Variants in PDE4B observed in about 807,000 individuals in gnomAD.
The protein encoded by PDE4B is phosphodiesterase 4B.
In PDE4B, 20 loss-of-function variants were observed where a neutral mutation model predicts 82.2. The ratio of observed to expected loss-of-function variants is 0.24; its 90% CI spans 0.17 to 0.35. The LOEUF is 0.35. Ranked by LOEUF, PDE4B falls within the 10% of genes least tolerant of loss-of-function variation. The probability of loss-of-function intolerance (pLI) is 1.00; values close to 1 mark genes in which losing one functional copy is unlikely to be tolerated. For missense variants in PDE4B, 655 were observed against 907.2 expected, an observed-to-expected ratio of 0.72 and a Z score of 3.57; for synonymous variants, 320 against 318.9, an observed-to-expected ratio of 1.00 and a Z score of -0.04.
At chr1:65,968,549 G>A (rs1649972773) in intron 3 of PDE4B, among the ~76,000 whole-genome samples, 1 of 151,910 alleles carries the variant, frequency 6.6e-6, no homozygotes, top group Admixed American at 6.6e-5. Flanking sequence ...GGAATGGGAA[G>A]TTATTCTTAT....
intron 3 of PDE4B, among the ~76,000 whole-genome samples, chr1:66,081,451 T>G (rs1218009217): frequency 6.6e-6 from 1 of 152,110 alleles, no homozygotes; most frequent in Non-Finnish European, 1.5e-5. Context: ...AAAAGAAATT[T>G]AGTGAAAATA....
chr1:66,050,544 A>G (rs747936354), intron 3 of PDE4B: 1 of 152,088 alleles, frequency 6.6e-6, no homozygotes, highest in Non-Finnish European at 1.5e-5. Context: ...CTAATGTATG[A>G]TATTCGCAAT....
chr1:66,128,165 G>A (rs192441130), intron 3 of PDE4B, among the ~76,000 whole-genome samples: 1 of 152,262 alleles, frequency 6.6e-6, no homozygotes, highest in Admixed American at 6.5e-5. Context: ...CAATCAAGGT[G>A]AAAGGGTTTG....
intron 3 of PDE4B, among the ~76,000 whole-genome samples, chr1:66,216,139 G>A (rs894065952): frequency 2.0e-5 from 3 of 151,218 alleles, no homozygotes; most frequent in Admixed American, 6.6e-5. Context: ...TGGGTGTGTC[G>A]GTGAGGGTAT....
At chr1:66,347,944 T>A (rs920301232) in intron 8 of PDE4B, among the ~76,000 whole-genome samples, 1 of 152,166 alleles carries the variant, frequency 6.6e-6, no homozygotes, top group Non-Finnish European at 1.5e-5. Context: ...AGTATAATAT[T>A]TGAGTGGTAG....
chr1:65,814,166 C>T (rs932003221), intron 1 of PDE4B, among the ~76,000 whole-genome samples: 1 of 152,120 alleles, frequency 6.6e-6, no homozygotes, highest in African/African-American at 2.4e-5. Context: ...AAGCCTTGCC[C>T]GAGGCAGCTG....
At chr1:66,323,580 A>G (rs11208834) in intron 7 of PDE4B, among the ~76,000 whole-genome samples, 23,267 of 152,128 alleles carry the variant, frequency 0.15, 3,399 homozygotes, top group African/African-American at 0.38. Context: ...TATTTATCGT[A>G]TCATATTCAA....
chr1:65,905,045 C>T (rs1019951284), intron 1 of PDE4B, among the ~76,000 whole-genome samples: 3 of 152,094 alleles, frequency 2.0e-5, no homozygotes, highest in African/African-American at 7.2e-5. Flanking sequence ...TAGCAAGAGG[C>T]CTCAAGCCTA....
At chr1:66,089,690 A>T (rs551837057) in intron 3 of PDE4B, among the ~76,000 whole-genome samples, 20 of 152,158 alleles carry the variant, frequency 1.3e-4, no homozygotes, top group African/African-American at 1.9e-4. Flanking sequence ...AACATTTGTA[A>T]ACTTCTTAAA....
chr1:66,016,598 TGA>T lies in PDE4B; in HGVS notation c.281+97767_281+97768del, dbSNP rs1396481290. Among the ~76,000 whole-genome samples, 3 of 152,006 alleles carry T rather than the reference TGA, an allele frequency of 2.0e-5. No homozygotes were observed. In the East Asian group the frequency reaches 5.8e-4, roughly 29 times the overall value. The stretch of plus-strand genomic sequence containing the variant: ...ATGATATCAAGTGTAATCCAGTCAG[TGA>T]GAGGAAAAATGCAAGGAACATCTAA... On this transcript the variant is annotated intron_variant, in intron 3 of 16. Transcript: ENST00000341517.
intron 3 of PDE4B, among the ~76,000 whole-genome samples, chr1:65,984,318 A>T (rs575565939): frequency 5.3e-5 from 8 of 152,328 alleles, no homozygotes; most frequent in African/African-American, 1.9e-4. Flanking sequence ...GCCAGGGATT[A>T]GTGGTGGCAG....
chr1:66,270,558 T>TAAAG (rs1171489223), intron 7 of PDE4B, among the ~76,000 whole-genome samples: 1 of 152,160 alleles, frequency 6.6e-6, no homozygotes, highest in Non-Finnish European at 1.5e-5. Flanking sequence ...TGTGCATGGG[T>TAAAG]AAAGGGCTCT....
At chr1:66,246,670 C>T (rs1653338181) in intron 3 of PDE4B, among the ~76,000 whole-genome samples, 1 of 152,148 alleles carries the variant, frequency 6.6e-6, no homozygotes, top group Admixed American at 6.5e-5. Context: ...CTACTGCTCC[C>T]GTCTGTGTGT....
chr1:65,884,760 G>T (rs1258840583), intron 1 of PDE4B, among the ~76,000 whole-genome samples: 2 of 152,148 alleles, frequency 1.3e-5, no homozygotes, highest in African/African-American at 4.8e-5. Context: ...GAAAACCCTA[G>T]AGGAAAACCT....
chr1:66,129,384 G>A (rs2101104009), intron 3 of PDE4B, among the ~76,000 whole-genome samples: 1 of 152,192 alleles, frequency 6.6e-6, no homozygotes, highest in South Asian at 2.1e-4. Context: ...GTGGCCGGGC[G>A]CGGTGGCTCA....
intron 1 of PDE4B, among the ~76,000 whole-genome samples, chr1:65,857,943 C>G (rs1055550414): frequency 5.4e-5 from 8 of 148,740 alleles, no homozygotes; most frequent in African/African-American, 2.0e-4. Flanking sequence ...GCCATGTTCT[C>G]TTTTTTGCAG....
chr1:66,330,935 TA>T, intron 7 of PDE4B: 5 of 256,788 alleles, frequency 1.9e-5, no homozygotes, highest in Non-Finnish European at 3.1e-5. Context: ...TGGAGGAAGT[TA>T]CCTCCAGTGG....
chr1:66,215,255 G>GT (rs1650363723), intron 3 of PDE4B, among the ~76,000 whole-genome samples: 2 of 152,194 alleles, frequency 1.3e-5, no homozygotes, highest in Non-Finnish European at 2.9e-5. Context: ...TATTTTCACT[G>GT]TAGAAGCATA....
intron 3 of PDE4B, among the ~76,000 whole-genome samples, chr1:65,929,325 T>C (rs997054131): frequency 6.6e-6 from 1 of 152,152 alleles, no homozygotes; most frequent in Non-Finnish European, 1.5e-5. Context: ...GGGAAGCTGT[T>C]CCTTCTGGCA....
Sources: allele counts gnomAD v4.1 joint callset (sites outside exome capture counted in the v4.1 genomes callset), GRCh38; gene constraint gnomAD v4.1.1; transcripts MANE v1.5; gene names NCBI Gene and HGNC (gene_info 2026-07-23, HGNC 2026-07-21).